HFM1: variants seen among roughly 807,000 people sequenced by gnomAD.
HFM1 encodes helicase for meiosis 1.
A neutral mutation model predicts 192.1 loss-of-function variants in HFM1; 169 were observed. That is an observed-to-expected ratio of 0.88 (90% CI 0.78 to 1.00). The LOEUF (loss-of-function observed/expected upper bound fraction) is 1.00. HFM1 is among the 50% of genes least tolerant of loss of function. The pLI, the probability that HFM1 is intolerant of heterozygous loss-of-function variation, is 0.00. For synonymous variants in HFM1, 525 were observed against 537.8 expected (o/e 0.98, Z 0.33); for missense variants, 1,661 against 1,668.0 (o/e 1.00, Z 0.07).
chr1:91,374,959 G>A (rs890703103), intron 13 of HFM1, among the ~76,000 whole-genome samples: 5 of 152,164 alleles, frequency 3.3e-5, no homozygotes, highest in Admixed American at 1.3e-4. Context: ...GACTGAGAAC[G>A]AACAGCCTGC....
Position 91,325,040 on chromosome 1 carries a change from T to C in HFM1, c.2336-274A>G, listed in dbSNP as rs1159411801. 3.9e-5 allele frequency among the ~76,000 whole-genome samples: 6 copies of C among 152,170 alleles called. No homozygotes were observed. The East Asian group carries it at 9.6e-4, about 24-fold the overall frequency. ...GCTGGGTAGAGCAACAAGGAGGCTCTTGGGGTCTCTGAGTCCAGGCCTAGG... is the reference window on the plus strand; with the variant it reads ...GCTGGGTAGAGCAACAAGGAGGCTCCTGGGGTCTCTGAGTCCAGGCCTAGG... On this transcript the variant is annotated intron_variant, in intron 20 of 38. Coordinates refer to ENST00000370425, the MANE Select transcript of HFM1 (RefSeq NM_001017975.6).
intron 30 of HFM1, among the ~76,000 whole-genome samples, chr1:91,303,914 T>C (rs417762): frequency 1 from 152,114 of 152,298 alleles, 75,965 homozygotes; most frequent in Non-Finnish European, 1. Flanking sequence ...GGCATGATCT[T>C]GGCTCACTGC....
In HFM1 at chr1:91,375,428, C is replaced by T. The variant is rs1348600114; in HGVS notation, c.1615G>A (p.Gly539Ser). Reference protein sequence around the residue: ...PTLVFCATRKGVQQAASVLVK... With the variant: ...PTLVFCATRKSVQQAASVLVK... ...AGAACAGAAGCAGCCTGTTGCACACCCTTCCTTGTTGCACAAAACTGAAAA... is the reference window on the plus strand; with the variant it reads ...AGAACAGAAGCAGCCTGTTGCACACTCTTCCTTGTTGCACAAAACTGAAAA... The change falls in exon 13 of 39, where the codon GGT (glycine) becomes AGT (serine). Residue 539 changes from glycine to serine, a missense_variant. By Grantham distance (56) the Gly-to-Ser change is moderately conservative. Coordinates refer to ENST00000370425, the MANE Select transcript of HFM1 (RefSeq NM_001017975.6). 19 of 1,612,904 alleles carry T rather than the reference C, an allele frequency of 1.2e-5. No homozygotes were observed. The highest frequency in any genetic ancestry group is 1.4e-5 in the Non-Finnish European group (17 of 1,179,394).
intron 34 of HFM1, among the ~76,000 whole-genome samples, chr1:91,270,126 C>G (rs768856006): frequency 1.3e-5 from 2 of 151,890 alleles, no homozygotes; most frequent in Non-Finnish European, 2.9e-5. Flanking sequence ...AGACTGAAAG[C>G]AGAGAGAAAA....
intron 30 of HFM1, among the ~76,000 whole-genome samples, chr1:91,307,853 CTTCTTTCTT>C (rs956710448): frequency 2.0e-5 from 3 of 151,484 alleles, no homozygotes; most frequent in Admixed American, 2.0e-4. Flanking sequence ...TCTTCTTTCT[CTTCTTTCTT>C]TTTTCACTTT....
chr1:91,375,077 G>A (rs572011188), intron 13 of HFM1, among the ~76,000 whole-genome samples: 3 of 152,080 alleles, frequency 2.0e-5, no homozygotes, highest in Non-Finnish European at 4.4e-5. Flanking sequence ...AGATTAATTC[G>A]CAAGATCAGC....
intron 30 of HFM1, among the ~76,000 whole-genome samples, chr1:91,302,679 A>G (rs1479330109): frequency 3.3e-5 from 5 of 151,890 alleles, no homozygotes; most frequent in African/African-American, 1.2e-4. Context: ...AAACTATCGC[A>G]AGGACAAAAA....
chr1:91,277,040 A>G lies in HFM1; in HGVS notation c.3414T>C (p.Pro1138=), dbSNP rs1174228176. 1 of 1,596,630 alleles carries G rather than the reference A, an allele frequency of 6.3e-7. No individual in the cohort carries two copies. Among genetic ancestry groups the G allele is most frequent in the Non-Finnish European group, 8.5e-7 (1 of 1,171,184 alleles). ...AAAGATGATTGCATTCTCGGTTCCC[A>G]GGTTTTTTGCTGGCAGTCGTTCCTA... ...PNKGTTASKK[P]GNRECNHLCK... The change falls in exon 31 of 39, where the codon CCT becomes CCC. Residue 1138 remains proline (P), a synonymous_variant. Transcript: ENST00000370425.
intron 4 of HFM1, 35 bp from the exon 5 acceptor site, chr1:91,385,869 C>G (rs541449725): frequency 6.5e-7 from 1 of 1,542,930 alleles, no homozygotes; most frequent in Non-Finnish European, 8.8e-7. Context: ...TATTTTCTCA[C>G]GTGTAACACT....
chr1:91,329,282 T>G lies in HFM1; in HGVS notation c.2336-4516A>C, dbSNP rs778613099. On this transcript the variant is annotated intron_variant, in intron 20 of 38. Coordinates refer to ENST00000370425, the MANE Select transcript of HFM1 (RefSeq NM_001017975.6). ...TGGAGCTGAAGTGGAGCGAGCCAAATGAAGAAGAGCTGGTCAAGTTCGTGT... is the reference window on the plus strand; with the variant it reads ...TGGAGCTGAAGTGGAGCGAGCCAAAGGAAGAAGAGCTGGTCAAGTTCGTGT... The G allele has an allele frequency of 1.6e-5, 25 of 1,609,210 alleles. 1 individual carries two copies. Among genetic ancestry groups the G allele is most frequent in the Non-Finnish European group, 2.0e-5 (23 of 1,177,942 alleles).
chr1:91,293,969 T>C (rs1669092235), intron 30 of HFM1, among the ~76,000 whole-genome samples: 2 of 147,254 alleles, frequency 1.4e-5, no homozygotes, highest in South Asian at 4.3e-4. Flanking sequence ...AAACACCGCA[T>C]ATTCTCACTC....
In HFM1 at chr1:91,319,073, C is replaced by T; in HGVS notation, c.2812+5G>A. On this transcript the variant is annotated splice_donor_5th_base_variant and intron_variant, in intron 25 of 38. Transcript: ENST00000370425. Reference sequence around the variant, plus strand: ...CCAAACTGCCTGCCTGTATTCAGTACCTACCAATTTTTTCCAGTTGTTTGG... The same window carrying T: ...CCAAACTGCCTGCCTGTATTCAGTATCTACCAATTTTTTCCAGTTGTTTGG... 2 of 1,586,242 alleles carry T rather than the reference C, an allele frequency of 1.3e-6. No individual in the cohort carries two copies. Among genetic ancestry groups the T allele is most frequent in the Non-Finnish European group, 1.7e-6 (2 of 1,172,352 alleles).
chr1:91,364,633 T>TA (rs1491502536), intron 13 of HFM1, among the ~76,000 whole-genome samples: 277 of 25,192 alleles, frequency 0.011, 1 homozygote, highest in South Asian at 0.061. Context: ...TATATATATA[T>TA]TTTTTTTTTT....
At chr1:91,283,672 A>C (rs1667669698) in intron 30 of HFM1, among the ~76,000 whole-genome samples, 1 of 152,190 alleles carries the variant, frequency 6.6e-6, no homozygotes, top group African/African-American at 2.4e-5. Context: ...ACATGTTATA[A>C]AGTCTCTAGT....
intron 25 of HFM1, among the ~76,000 whole-genome samples, chr1:91,317,003 A>G (rs281994): frequency 1 from 152,095 of 152,280 alleles, 75,955 homozygotes; most frequent in Non-Finnish European, 1. Context: ...TCCTTACTGG[A>G]GCCAAATTTC....
At chr1:91,284,136 A>G (rs978892841) in intron 30 of HFM1, among the ~76,000 whole-genome samples, 41 of 152,244 alleles carry the variant, frequency 2.7e-4, no homozygotes, top group African/African-American at 9.4e-4. Context: ...AATATAAAGA[A>G]AAGTAGACTG....
intron 30 of HFM1, among the ~76,000 whole-genome samples, chr1:91,289,681 G>A (rs746912371): frequency 5.3e-5 from 8 of 152,226 alleles, no homozygotes; most frequent in Admixed American, 1.3e-4. Flanking sequence ...CCAACACAGC[G>A]AAACCCCGTC....
At chr1:91,384,794 A>C (rs1661976306) in intron 6 of HFM1, among the ~76,000 whole-genome samples, 1 of 151,528 alleles carries the variant, frequency 6.6e-6, no homozygotes, top group Non-Finnish European at 1.5e-5. Context: ...GCCATGCTAG[A>C]ATGCAATGGC....
rs1201669814 is a variant in HFM1, at chr1:91,276,531, CTA to C, written c.3588+95_3588+96del. The C allele has an allele frequency of 2.4e-5, 12 of 499,634 alleles. No individual in the cohort carries two copies. In the East Asian group the frequency reaches 4.1e-4, roughly 17 times the overall value. 31.0% of individuals were successfully genotyped at this position (499,634 alleles called of 1,614,324 possible). On this transcript the variant is annotated intron_variant, in intron 32 of 38. Coordinates refer to ENST00000370425, the MANE Select transcript of HFM1 (RefSeq NM_001017975.6). The stretch of plus-strand genomic sequence containing the variant: ...TTCTTAGTCAAGCCCACAAGTAATT[CTA>C]TAGTACACTGTGGATACCTAATTGA...
Sources: allele counts gnomAD v4.1 joint callset (sites outside exome capture counted in the v4.1 genomes callset), GRCh38; gene constraint gnomAD v4.1.1; transcripts MANE v1.5; gene names NCBI Gene and HGNC (gene_info 2026-07-23, HGNC 2026-07-21).